Variants in EXOC6B observed in about 807,000 individuals in gnomAD.
The protein encoded by EXOC6B is SEC15 homolog B.
In EXOC6B, 54 loss-of-function variants were observed where a neutral mutation model predicts 113.5. The observed-to-expected ratio is 0.48, with a 90% CI of 0.38 to 0.60. EXOC6B has a LOEUF of 0.60. EXOC6B is among the 20% of genes least tolerant of loss of function. EXOC6B has a pLI of 0.00. For synonymous variants in EXOC6B, 357 were observed against 339.0 expected (o/e 1.05, Z -0.58); for missense variants, 797 against 977.5 (o/e 0.82, Z 2.46).
intron 20 of EXOC6B, among the ~76,000 whole-genome samples, chr2:72,319,305 A>C (rs1202991239): frequency 1.3e-5 from 2 of 152,168 alleles, no homozygotes; most frequent in African/African-American, 4.8e-5. Context: ...ATTTAATGGT[A>C]AAAGACTGAA....
chr2:72,797,344 T>TC (rs1445564980), intron 1 of EXOC6B, among the ~76,000 whole-genome samples: 1 of 152,240 alleles, frequency 6.6e-6, no homozygotes, highest in Non-Finnish European at 1.5e-5. Context: ...AGGAAGGTAC[T>TC]CTAGGTAGCT....
chr2:72,745,909 T>A (rs1370434835), intron 1 of EXOC6B, among the ~76,000 whole-genome samples: 1 of 152,166 alleles, frequency 6.6e-6, no homozygotes, highest in Non-Finnish European at 1.5e-5. Flanking sequence ...AACAATGCAG[T>A]CGAACAAAGT....
At chr2:72,711,006 C>T (rs1679241023) in intron 6 of EXOC6B, among the ~76,000 whole-genome samples, 1 of 152,110 alleles carries the variant, frequency 6.6e-6, no homozygotes. Flanking sequence ...TCAGCCTAGA[C>T]AAGAATGATT....
intron 6 of EXOC6B, among the ~76,000 whole-genome samples, chr2:72,611,259 G>A (rs1368824025): frequency 6.6e-6 from 1 of 151,948 alleles, no homozygotes; most frequent in Non-Finnish European, 1.5e-5. Context: ...AGCTACTCAT[G>A]AGGCTGAGGC....
Position 72,538,273 on chromosome 2 carries a change from A to G in EXOC6B, c.915+21180T>C, listed in dbSNP as rs1471234340. On this transcript the variant is annotated intron_variant, in intron 8 of 21. Coordinates refer to ENST00000272427, the MANE Select transcript of EXOC6B (RefSeq NM_015189.3). ...CCACTGCCCAAGAAATTTCTTCACT[A>G]TAAGAGAGATGGGATAAAATGCTAA... 2.6e-5 allele frequency among the ~76,000 whole-genome samples: 4 copies of G among 152,048 alleles called. No homozygotes were observed. In the East Asian group the frequency reaches 5.8e-4, roughly 22 times the overall value.
intron 1 of EXOC6B, among the ~76,000 whole-genome samples, chr2:72,766,583 C>G (rs1159255501): frequency 6.6e-6 from 1 of 152,016 alleles, no homozygotes; most frequent in Non-Finnish European, 1.5e-5. Context: ...TATTATAAAA[C>G]TGGAGAAAAC....
At chr2:72,239,274 A>G (rs1293033761) in intron 20 of EXOC6B, among the ~76,000 whole-genome samples, 1 of 152,192 alleles carries the variant, frequency 6.6e-6, no homozygotes, top group Non-Finnish European at 1.5e-5. Context: ...CAAGGTCAGA[A>G]GATTTACTTC....
intron 1 of EXOC6B, among the ~76,000 whole-genome samples, chr2:72,758,140 G>A (rs1281005821): frequency 2.0e-5 from 3 of 147,668 alleles, no homozygotes; most frequent in African/African-American, 7.6e-5. Context: ...TCCAGCCTGG[G>A]TGACAGAATG....
At chr2:72,518,127 CAG>C (rs929105102) in intron 8 of EXOC6B, among the ~76,000 whole-genome samples, 1 of 152,172 alleles carries the variant, frequency 6.6e-6, no homozygotes, top group Non-Finnish European at 1.5e-5. Flanking sequence ...TGTCTATTCA[CAG>C]AGAGGTCACT....
chr2:72,467,258 A>G (rs1243047268), intron 17 of EXOC6B, among the ~76,000 whole-genome samples: 2 of 152,244 alleles, frequency 1.3e-5, no homozygotes, highest in Non-Finnish European at 2.9e-5. Flanking sequence ...GGTCAAATCA[A>G]TATCTTGGCT....
chr2:72,763,820 C>T (rs998843554), intron 1 of EXOC6B, among the ~76,000 whole-genome samples: 1 of 152,016 alleles, frequency 6.6e-6, no homozygotes, highest in Non-Finnish European at 1.5e-5. Context: ...GTGGCTCATA[C>T]CTGTAAACCC....
chr2:72,505,918 C>T (rs1700571821), intron 11 of EXOC6B, among the ~76,000 whole-genome samples: 1 of 151,998 alleles, frequency 6.6e-6, no homozygotes, highest in Non-Finnish European at 1.5e-5. Context: ...TTTTAACCTG[C>T]AATTAAGTGC....
intron 20 of EXOC6B, among the ~76,000 whole-genome samples, chr2:72,307,846 T>A (rs980713515): frequency 1.3e-5 from 2 of 152,194 alleles, no homozygotes; most frequent in African/African-American, 4.8e-5. Context: ...AAGTTTAGTA[T>A]ACCTTGCATT....
At chr2:72,721,364 TA>T (rs11408155) in intron 5 of EXOC6B, among the ~76,000 whole-genome samples, 88 of 28,496 alleles carry the variant, frequency 3.1e-3, no homozygotes, top group East Asian at 6.0e-3. Context: ...GTTGTTTTTG[TA>T]AAAAAAAAAA....
chr2:72,641,241 G>A (rs552321630), intron 6 of EXOC6B, among the ~76,000 whole-genome samples: 48 of 152,320 alleles, frequency 3.2e-4, no homozygotes, highest in African/African-American at 1.1e-3. Flanking sequence ...CAGAGAGGGC[G>A]AGCTGAAGCA....
intron 6 of EXOC6B, among the ~76,000 whole-genome samples, chr2:72,635,077 T>C (rs1268055334): frequency 1.3e-5 from 2 of 151,962 alleles, no homozygotes; most frequent in South Asian, 2.1e-4. Context: ...AAGGAGGAAA[T>C]TTCTAGCACT....
At chr2:72,618,053 T>C (rs555604606) in intron 6 of EXOC6B, among the ~76,000 whole-genome samples, 6 of 152,148 alleles carry the variant, frequency 3.9e-5, no homozygotes, top group African/African-American at 1.4e-4. Flanking sequence ...AGCCCTCCAC[T>C]CCTAGAAAAG....
At chr2:72,699,324 G>A (rs575740491) in intron 6 of EXOC6B, among the ~76,000 whole-genome samples, 11 of 151,924 alleles carry the variant, frequency 7.2e-5, no homozygotes, top group African/African-American at 2.2e-4. Context: ...CTAAAAATAC[G>A]AAAAATTAGC....
intron 20 of EXOC6B, among the ~76,000 whole-genome samples, chr2:72,223,360 G>C (rs1423218129): frequency 6.6e-6 from 1 of 152,164 alleles, no homozygotes; most frequent in African/African-American, 2.4e-5. Flanking sequence ...AAAAATCTGA[G>C]TTATCCCTTT....
Sources: allele counts gnomAD v4.1 joint callset (sites outside exome capture counted in the v4.1 genomes callset), GRCh38; gene constraint gnomAD v4.1.1; transcripts MANE v1.5; gene names NCBI Gene and HGNC (gene_info 2026-07-23, HGNC 2026-07-21).